The following ITPRID1 variants were observed in gnomAD, a reference collection of about 807,000 sequenced individuals.
ITPRID1 encodes the protein protein ITPRID1.
A neutral mutation model predicts 95.4 loss-of-function variants in ITPRID1; 96 were observed. That is an observed-to-expected ratio of 1.01 (90% CI 0.85 to 1.19). The LOEUF (loss-of-function observed/expected upper bound fraction) is 1.19, where lower values mean the gene tolerates loss of function less well. Among genes scored for constraint, ITPRID1 ranks in the 50% most tolerant of loss-of-function variants. The probability of loss-of-function intolerance (pLI) is 0.00; values close to 1 mark genes in which losing one functional copy is unlikely to be tolerated. For synonymous variants in ITPRID1, 510 were observed against 453.6 expected (o/e 1.12, Z -1.58); for missense variants, 1,339 against 1,252.9 (o/e 1.07, Z -1.04).
At chr7:31,580,156 G>A (rs1013718427) in intron 9 of ITPRID1, among the ~76,000 whole-genome samples, 5 of 151,860 alleles carry the variant, frequency 3.3e-5, no homozygotes, top group South Asian at 2.1e-4. Flanking sequence ...AAACTAGCTC[G>A]GTGTGGTGGA....
intron 6 of ITPRID1, among the ~76,000 whole-genome samples, chr7:31,571,080 G>T (rs1224968555): frequency 6.6e-6 from 1 of 152,006 alleles, no homozygotes; most frequent in Non-Finnish European, 1.5e-5. Flanking sequence ...CCAGGCTAGA[G>T]TGCAGTTGCG....
chr7:31,578,477 C>T (rs771119232), intron 9 of ITPRID1, 43 bp downstream of exon 9: 205 of 1,433,218 alleles, frequency 1.4e-4, no homozygotes, highest in Non-Finnish European at 1.7e-4. Context: ...GGGAAATAAC[C>T]TTCACTATGA....
chr7:31,547,133 T>C (rs183077396), intron 1 of ITPRID1, among the ~76,000 whole-genome samples: 3 of 152,266 alleles, frequency 2.0e-5, no homozygotes, highest in African/African-American at 7.2e-5. Context: ...AAGTGGGTTA[T>C]AAAGAGAAGG....
At chr7:31,618,326 G>C (rs1055555107) in intron 10 of ITPRID1, among the ~76,000 whole-genome samples, 1 of 148,712 alleles carries the variant, frequency 6.7e-6, no homozygotes, top group Non-Finnish European at 1.5e-5. Flanking sequence ...AATCCAAAGG[G>C]GGCAAATTCA....
chr7:31,584,630 G>T (rs759239198), intron 10 of ITPRID1, among the ~76,000 whole-genome samples: 13 of 152,280 alleles, frequency 8.5e-5, no homozygotes, highest in Non-Finnish European at 1.6e-4. Context: ...AGAGCCTAAT[G>T]GATAAAATCT....
intron 10 of ITPRID1, among the ~76,000 whole-genome samples, chr7:31,614,649 T>C (rs1000171175): frequency 1.3e-5 from 2 of 152,208 alleles, no homozygotes; most frequent in Admixed American, 1.3e-4. Context: ...TTAACTGAGA[T>C]AATTTCACGT....
chr7:31,629,900 G>A (rs958637538), intron 10 of ITPRID1, among the ~76,000 whole-genome samples: 6 of 152,050 alleles, frequency 3.9e-5, no homozygotes, highest in Non-Finnish European at 7.4e-5. Context: ...TTGCTTAAAA[G>A]GACAGGTAAG....
chr7:31,651,634 C>T (rs753131173), intron 13 of ITPRID1, among the ~76,000 whole-genome samples: 4 of 151,904 alleles, frequency 2.6e-5, no homozygotes, highest in Admixed American at 1.3e-4. Flanking sequence ...GAGAGGCATA[C>T]GGGTTTTTCT....
chr7:31,582,075 T>C (rs1307281231), intron 9 of ITPRID1, among the ~76,000 whole-genome samples: 1 of 152,260 alleles, frequency 6.6e-6, no homozygotes, highest in East Asian at 1.9e-4. Context: ...TTCAGCTTTC[T>C]GTACTCAAAT....
intron 8 of ITPRID1, among the ~76,000 whole-genome samples, chr7:31,577,274 G>A (rs985157839): frequency 1.4e-4 from 21 of 152,108 alleles, no homozygotes; most frequent in African/African-American, 5.1e-4. Flanking sequence ...TGAAAATACT[G>A]GCCATTTACT....
At chr7:31,578,542 T>A in intron 9 of ITPRID1, 108 bp downstream of exon 9, 1 of 765,226 alleles carries the variant, frequency 1.3e-6, no homozygotes, top group Non-Finnish European at 2.0e-6. Context: ...CCCTCAGCAT[T>A]ACTTCTTAGT....
intron 1 of ITPRID1, among the ~76,000 whole-genome samples, chr7:31,546,738 T>C (rs920640933): frequency 1.3e-5 from 2 of 152,092 alleles, no homozygotes; most frequent in Admixed American, 1.3e-4. Flanking sequence ...CTGAAGAAAA[T>C]CTCACGATGG....
chr7:31,606,259 C>CA (rs1786617405), intron 10 of ITPRID1, among the ~76,000 whole-genome samples: 2 of 151,882 alleles, frequency 1.3e-5, no homozygotes, highest in African/African-American at 4.8e-5. Context: ...CCTAGGGGTC[C>CA]AAAAATCCTG....
intron 10 of ITPRID1, among the ~76,000 whole-genome samples, chr7:31,633,086 C>T (rs568706638): frequency 2.0e-5 from 3 of 152,122 alleles, no homozygotes; most frequent in Non-Finnish European, 4.4e-5. Flanking sequence ...AGGGTTTCAC[C>T]ATGTTGGCCA....
chr7:31,616,632 TAG>T, intron 10 of ITPRID1, among the ~76,000 whole-genome samples: 1 of 152,300 alleles, frequency 6.6e-6, no homozygotes, highest in South Asian at 2.1e-4. Flanking sequence ...TAGAAATAAA[TAG>T]TATCTTAGAT....
rs984929041 is a variant in ITPRID1, at chr7:31,596,009, T to C, written c.1228+12818T>C. Among the ~76,000 whole-genome samples, 10 of 151,796 alleles carry C rather than the reference T, an allele frequency of 6.6e-5. 1 individual carries two copies. Among genetic ancestry groups the C allele is most frequent in the African/African-American group, 1.9e-4 (8 of 41,440 alleles). ...TAATTAAAACCAGAGATAATTACTA[T>C]TGATGCCACTTAAGGAAATTTAGAT... On this transcript the variant is annotated intron_variant, in intron 10 of 14. Coordinates refer to ENST00000615280, the MANE Select transcript of ITPRID1 (RefSeq NM_001257967.3).
At chr7:31,620,800 T>A (rs1787797787) in intron 10 of ITPRID1, among the ~76,000 whole-genome samples, 1 of 151,960 alleles carries the variant, frequency 6.6e-6, no homozygotes, top group African/African-American at 2.4e-5. Flanking sequence ...CATCAGACGA[T>A]CAAACTACAA....
In ITPRID1 at chr7:31,649,380, G is replaced by C. The variant is rs561733773; in HGVS notation, c.2584-1762G>C. On this transcript the variant is annotated intron_variant, in intron 12 of 14. Transcript: ENST00000615280. The stretch of plus-strand genomic sequence containing the variant: ...TTGGTCTCCATGGAAGGAGGAAGAA[G>C]AGAAGCTTCAAAACAGCCAGCCTGC... Among the ~76,000 whole-genome samples the C allele has an allele frequency of 2.6e-5, 4 of 152,272 alleles. No individual in the cohort carries two copies. The South Asian group carries it at 6.2e-4, about 24-fold the overall frequency.
chr7:31,640,327 GT>G (rs1789905417), intron 10 of ITPRID1, among the ~76,000 whole-genome samples: 1 of 152,130 alleles, frequency 6.6e-6, no homozygotes, highest in African/African-American at 2.4e-5. Flanking sequence ...GCTTTTGGTG[GT>G]TTCTCACATG....
Sources: gnomAD v4.1 joint callset for allele counts (sites outside exome capture counted in the v4.1 genomes callset) on GRCh38, gnomAD v4.1.1 for gene constraint, MANE v1.5 for transcripts, NCBI Gene and HGNC (gene_info 2026-07-23, HGNC 2026-07-21) for gene names.